The following SMARCA4 variants were observed in gnomAD, a reference collection of about 807,000 sequenced individuals.
SMARCA4 encodes SWI/SNF related BAF chromatin remodeling complex subunit ATPase 4, also known as SWI/SNF-related matrix-associated actin-dependent regulator of chromatin subfamily A member 4.
A neutral mutation model predicts 193.9 loss-of-function variants in SMARCA4; 31 were observed. The observed-to-expected ratio is 0.16, with a 90% CI of 0.12 to 0.22. The LOEUF (loss-of-function observed/expected upper bound fraction) is 0.22, where lower values mean the gene tolerates loss of function less well. Ranked by LOEUF, SMARCA4 falls within the 10% of genes least tolerant of loss-of-function variation. The pLI is 1.00. For synonymous variants in SMARCA4, 942 were observed against 933.1 expected (o/e 1.01, Z -0.17); for missense variants, 1,148 against 2,296.0 (o/e 0.50, Z 10.22).
intron 19 of SMARCA4, among the ~76,000 whole-genome samples, chr19:11,022,846 C>T (rs2089976363): frequency 2.0e-5 from 3 of 152,222 alleles, no homozygotes; most frequent in Non-Finnish European, 1.5e-5. Context: ...GGGACCCCCA[C>T]ACTAAGGGCC....
intron 30 of SMARCA4, among the ~76,000 whole-genome samples, chr19:11,055,555 G>A (rs1056428633): frequency 1.3e-5 from 2 of 152,030 alleles, no homozygotes; most frequent in African/African-American, 4.8e-5. Context: ...CTGTTGGGGT[G>A]GTGGGGTGCT....
At chr19:11,052,392 G>C (rs2076310863) in intron 30 of SMARCA4, among the ~76,000 whole-genome samples, 1 of 152,166 alleles carries the variant, frequency 6.6e-6, no homozygotes. Context: ...GGGTGACACA[G>C]TGAGACCCTG....
intron 29 of SMARCA4, among the ~76,000 whole-genome samples, chr19:11,036,506 G>A (rs993355501): frequency 6.6e-5 from 10 of 152,126 alleles, no homozygotes; most frequent in South Asian, 2.1e-4. Flanking sequence ...CAATCCACCC[G>A]CCTCGGCCTG....
intron 21 of SMARCA4, among the ~76,000 whole-genome samples, chr19:11,024,998 C>G (rs2090148479): frequency 6.6e-6 from 1 of 151,032 alleles, no homozygotes; most frequent in South Asian, 2.1e-4. Context: ...GCCCCGCCCC[C>G]ACCTCCTTCC....
chr19:11,025,162 C>T (rs916456657), intron 21 of SMARCA4, among the ~76,000 whole-genome samples: 1 of 152,166 alleles, frequency 6.6e-6, no homozygotes, highest in African/African-American at 2.4e-5. Flanking sequence ...CTTTGCCAGT[C>T]TTGTTTCCGT....
intron 1 of SMARCA4, among the ~76,000 whole-genome samples, chr19:10,974,318 A>G (rs12610607): frequency 0.21 from 32,228 of 151,994 alleles, 3,561 homozygotes; most frequent in Middle Eastern, 0.26. Flanking sequence ...TCTATTTTAG[A>G]TGATAATTTT....
rs1397207416 is a variant in SMARCA4, at chr19:10,987,279, G to C, written c.859+276G>C. Among the ~76,000 whole-genome samples the C allele has an allele frequency of 2.0e-5, 3 of 152,174 alleles. No individual in the cohort carries two copies. The highest frequency in any genetic ancestry group is 4.4e-5 in the Non-Finnish European group (3 of 68,032). On this transcript the variant is annotated intron_variant, in intron 5 of 34. Transcript: ENST00000344626. This position sits in a 1 kb window ranked among gnomAD's most constrained non-coding sequence, Gnocchi z 5.3. ...AAGTGCTGCAGGCTCCCATCTGTTG[G>C]GCTCAAAGAGGCAGTGGGACTCATT...
intron 30 of SMARCA4, among the ~76,000 whole-genome samples, chr19:11,049,679 TGTGCTTG>T (rs2146958430): frequency 6.6e-6 from 1 of 152,244 alleles, no homozygotes; most frequent in Non-Finnish European, 1.5e-5. Flanking sequence ...ACACCCTTGG[TGTGCTTG>T]GTAAGGGCTC....
At chr19:11,037,790 T>C (rs1395714050) in intron 29 of SMARCA4, among the ~76,000 whole-genome samples, 2 of 152,176 alleles carry the variant, frequency 1.3e-5, no homozygotes, top group East Asian at 3.8e-4. Flanking sequence ...AGATCCATTT[T>C]GAGTTAAATT....
rs1263140481 is a variant in SMARCA4 at position 11,013,046 on chromosome 19, C to T, written c.2372C>T (p.Ala791Val). Residue 791 changes from alanine to valine, a missense_variant, in exon 16 of 35, where the codon GCG (alanine) becomes GTG (valine). Ala to Val is a moderately conservative substitution (Grantham distance 64). Coordinates refer to ENST00000344626, the MANE Select transcript of SMARCA4 (RefSeq NM_003072.5). ...MGLGKTIQTI[A>V]LITYLMEHKR... The stretch of plus-strand genomic sequence containing the variant: ...CTGGGGAAGACCATCCAGACCATCG[C>T]GCTCATCACGTACCTCATGGAGCAC... The T allele has an allele frequency of 6.2e-7, 1 of 1,614,122 alleles. No homozygotes were observed. The highest frequency in any genetic ancestry group is 2.2e-5 in the East Asian group (1 of 44,884).
chr19:10,976,363 A>G (rs954639358), intron 1 of SMARCA4, among the ~76,000 whole-genome samples: 1 of 152,052 alleles, frequency 6.6e-6, no homozygotes, highest in Non-Finnish European at 1.5e-5. Flanking sequence ...CCAGCCCTTC[A>G]GGGAGGGTGA....
intron 1 of SMARCA4, among the ~76,000 whole-genome samples, chr19:10,962,922 C>T (rs1431822270): frequency 1.3e-5 from 2 of 152,100 alleles, no homozygotes; most frequent in Non-Finnish European, 2.9e-5. Flanking sequence ...TGGTCCTTTC[C>T]GGTGTAGCTG....
At chr19:10,999,223 A>C (rs1240162035) in intron 11 of SMARCA4, among the ~76,000 whole-genome samples, 2 of 152,150 alleles carry the variant, frequency 1.3e-5, no homozygotes, top group Admixed American at 1.3e-4. Flanking sequence ...GTATTATTAC[A>C]GAAGAATATT....
In SMARCA4 at chr19:10,985,506, C is replaced by T; in HGVS notation, c.355+101C>T. ...CCCACAGGATGGATTCAGGGAGTAC[C>T]TAGGATGATGTAGCCGGGTGGGTGG... is the stretch of plus-strand genomic sequence containing the variant. On this transcript the variant is annotated intron_variant, in intron 3 of 34. Transcript: ENST00000344626. The surrounding 1 kb of genome is among the most constrained non-coding windows in gnomAD (Gnocchi z 4.5). 7.0e-7 allele frequency: 1 copy of T among 1,426,162 alleles called. No homozygotes were observed. Among genetic ancestry groups the T allele is most frequent in the Non-Finnish European group, 9.6e-7 (1 of 1,040,826 alleles). 88.3% of individuals were successfully genotyped at this position (1,426,162 alleles called of 1,614,324 possible). A position where few individuals can be genotyped will look rare whatever the true frequency, so the allele number is the denominator to read the frequency against.
chr19:11,059,109 T>TA (rs764123776), intron 32 of SMARCA4: 19,683 of 377,058 alleles, frequency 0.052, 9 homozygotes, highest in East Asian at 0.1. Flanking sequence ...ACCCTGTCTT[T>TA]AAAAAAAAAA....
chr19:11,010,591 G>C (rs2146242546), intron 15 of SMARCA4, 60 bp downstream of exon 15: 1 of 1,560,526 alleles, frequency 6.4e-7, no homozygotes, highest in African/African-American at 1.3e-5. Context: ...GTGTTCCCAG[G>C]TGGTGCGGGC....
At chr19:10,979,189 A>G (rs1183537124) in intron 1 of SMARCA4, among the ~76,000 whole-genome samples, 2 of 151,684 alleles carry the variant, frequency 1.3e-5, no homozygotes, top group South Asian at 2.1e-4. Context: ...TGATACAACT[A>G]TTTTGGAAAA....
intron 20 of SMARCA4, among the ~76,000 whole-genome samples, chr19:11,024,033 C>T (rs984922818): frequency 3.9e-5 from 6 of 152,192 alleles, no homozygotes; most frequent in Admixed American, 1.3e-4. Flanking sequence ...TCGGGGTCCC[C>T]GGCTGCAGTT....
At position 11,036,474 on chromosome 19, in the gene SMARCA4, G is replaced by T. The variant is rs1600419160; in HGVS notation, c.4170+1342G>T. ...GGGTCTCACTGTGTCACTCAGGCTG[G>T]TCTCAAACTCCTGGGCTCAAACAAT... On this transcript the variant is annotated intron_variant, in intron 29 of 34. Transcript: ENST00000344626. 2.0e-5 allele frequency among the ~76,000 whole-genome samples: 3 copies of T among 152,126 alleles called. No individual in the cohort carries two copies. In the South Asian group the frequency reaches 6.2e-4, roughly 32 times the overall value.
Sources: allele counts gnomAD v4.1 joint callset (sites outside exome capture counted in the v4.1 genomes callset), GRCh38; gene constraint gnomAD v4.1.1; non-coding constraint Gnocchi (gnomAD v3.1); transcripts MANE v1.5; gene names NCBI Gene and HGNC (gene_info 2026-07-23, HGNC 2026-07-21).